The following RIBC2 variants were observed in gnomAD, a reference collection of about 807,000 sequenced individuals.
RIBC2 encodes RIB43A-like with coiled-coils protein 2.
Under a neutral mutation model 44.3 loss-of-function variants are expected in RIBC2, and 40 were observed. That is an observed-to-expected ratio of 0.90 (90% CI 0.70 to 1.18). The LOEUF (loss-of-function observed/expected upper bound fraction) is 1.18. RIBC2 is among the 50% of genes most tolerant of loss of function. The pLI is 0.00. For synonymous variants in RIBC2, 171 were observed against 175.0 expected (o/e 0.98, Z 0.18); for missense variants, 459 against 485.5 (o/e 0.95, Z 0.51).
intron 4 of RIBC2, among the ~76,000 whole-genome samples, chr22:45,424,311 C>A (rs1383342040): frequency 6.6e-6 from 1 of 152,202 alleles, no homozygotes; most frequent in Non-Finnish European, 1.5e-5. Flanking sequence ...GCCTCCAGTT[C>A]TTGGGTCGGG....
At chr22:45,414,214 C>T in intron 1 of RIBC2, 108 bp from the exon 2 acceptor site, 1 of 1,485,808 alleles carries the variant, frequency 6.7e-7, no homozygotes, top group Non-Finnish European at 8.9e-7. Context: ...AGATTTTCTA[C>T]AACTCGTTTA....
chr22:45,425,875 A>G (rs546391290), intron 4 of RIBC2, 73 bp from the exon 5 acceptor site: 2 of 1,333,256 alleles, frequency 1.5e-6, no homozygotes, highest in East Asian at 2.5e-5. Flanking sequence ...CCCCAGTGAG[A>G]TTTGCTGGCC....
intron 3 of RIBC2, among the ~76,000 whole-genome samples, chr22:45,419,546 C>A (rs545038090): frequency 6.6e-6 from 1 of 152,022 alleles, no homozygotes; most frequent in Non-Finnish European, 1.5e-5. Flanking sequence ...CCAGCCCGGG[C>A]AACAAAGTGA....
At chr22:45,419,229 C>T (rs1047256951) in intron 3 of RIBC2, among the ~76,000 whole-genome samples, 3 of 152,210 alleles carry the variant, frequency 2.0e-5, no homozygotes, top group Non-Finnish European at 2.9e-5. Flanking sequence ...ATTCATCTAA[C>T]TTCTCTTGGA....
chr22:45,415,853 C>G (rs1274699745), intron 2 of RIBC2, among the ~76,000 whole-genome samples: 1 of 152,126 alleles, frequency 6.6e-6, no homozygotes, highest in East Asian at 1.9e-4. Context: ...GTGCACACCA[C>G]CATGCTGGGC....
chr22:45,418,700 C>T (rs1002147082), intron 3 of RIBC2, among the ~76,000 whole-genome samples: 3 of 152,128 alleles, frequency 2.0e-5, no homozygotes, highest in African/African-American at 4.8e-5. Context: ...GAATGCACTC[C>T]GCCTTCTTGA....
At chr22:45,419,877 T>A (rs2087461186) in intron 3 of RIBC2, among the ~76,000 whole-genome samples, 1 of 151,762 alleles carries the variant, frequency 6.6e-6, no homozygotes, top group Admixed American at 6.6e-5. Context: ...ATACAAAAAA[T>A]TAGCCGGGAG....
Position 45,421,189 on chromosome 22 carries a change from G to A in RIBC2, c.557-1101G>A, listed in dbSNP as rs1480484802. Reference sequence around the variant, plus strand: ...GCGCGCCTGTAATCTCAGCTACCCCGGAGGCTGAGGCAGGAGAATTGCTGG... The same window carrying A: ...GCGCGCCTGTAATCTCAGCTACCCCAGAGGCTGAGGCAGGAGAATTGCTGG... On this transcript the variant is annotated intron_variant, in intron 3 of 6. Coordinates refer to ENST00000614167, the MANE Select transcript of RIBC2 (RefSeq NM_015653.5). 4.6e-5 allele frequency among the ~76,000 whole-genome samples: 7 copies of A among 151,850 alleles called. No homozygotes were observed. In the East Asian group the frequency reaches 7.7e-4, roughly 17 times the overall value.
chr22:45,418,957 G>A (rs1047373591), intron 3 of RIBC2, among the ~76,000 whole-genome samples: 6 of 152,058 alleles, frequency 3.9e-5, no homozygotes, highest in African/African-American at 1.4e-4. Context: ...CCTAACAGTC[G>A]ATCACCTCCT....
chr22:45,426,695 T>C (rs2087537725), intron 5 of RIBC2, among the ~76,000 whole-genome samples: 1 of 152,172 alleles, frequency 6.6e-6, no homozygotes, highest in Non-Finnish European at 1.5e-5. Flanking sequence ...TGACAGGATC[T>C]GACTTAGGTT....
intron 2 of RIBC2, among the ~76,000 whole-genome samples, chr22:45,415,811 T>A (rs1251165022): frequency 6.6e-6 from 1 of 152,218 alleles, no homozygotes; most frequent in Admixed American, 6.5e-5. Flanking sequence ...GCAATTCTCC[T>A]GTCTCAGCTT....
chr22:45,432,452 G>T lies in RIBC2; in HGVS notation c.*90G>T. 1.3e-6 allele frequency: 1 copy of T among 799,344 alleles called. No homozygotes were observed. The highest frequency in any genetic ancestry group is 2.1e-6 in the Non-Finnish European group (1 of 472,688). The allele number at this position is 799,344 out of a possible 1,614,324, so 49.5% of individuals were successfully genotyped here. Reference sequence around the variant, plus strand: ...TCTTTTTTAAAGATACACTCCTTGGGCCACAAGTACCCTTCAGCTGTAATC... The same window carrying T: ...TCTTTTTTAAAGATACACTCCTTGGTCCACAAGTACCCTTCAGCTGTAATC... On this transcript the variant is annotated 3_prime_UTR_variant, in exon 7 of 7. Coordinates refer to ENST00000614167, the MANE Select transcript of RIBC2 (RefSeq NM_015653.5).
chr22:45,429,057 G>A (rs1355290837), intron 5 of RIBC2, among the ~76,000 whole-genome samples: 3 of 152,196 alleles, frequency 2.0e-5, no homozygotes, highest in Non-Finnish European at 4.4e-5. Flanking sequence ...TTTGCGGGGG[G>A]CATAATCATT....
chr22:45,432,131 C>T (rs986854391), intron 6 of RIBC2, among the ~76,000 whole-genome samples, 153 bp from the exon 7 acceptor site: 2 of 150,990 alleles, frequency 1.3e-5, no homozygotes, highest in African/African-American at 4.9e-5. Flanking sequence ...TGAGATGGAT[C>T]ATTTTGGGGG....
At chr22:45,431,262 G>A (rs752871515) in intron 6 of RIBC2, among the ~76,000 whole-genome samples, 196 bp downstream of exon 6, 10 of 152,200 alleles carry the variant, frequency 6.6e-5, no homozygotes, top group African/African-American at 2.4e-4. Flanking sequence ...TCCACACGGG[G>A]TGCATGGGTG....
At chr22:45,419,287 T>C (rs1462781614) in intron 3 of RIBC2, among the ~76,000 whole-genome samples, 1 of 152,214 alleles carries the variant, frequency 6.6e-6, no homozygotes, top group Non-Finnish European at 1.5e-5. Flanking sequence ...AACTCTGTTC[T>C]TCCCTGCAGA....
intron 5 of RIBC2, 75 bp downstream of exon 5, chr22:45,426,250 T>C: frequency 7.5e-7 from 1 of 1,327,090 alleles, no homozygotes; most frequent in Non-Finnish European, 1.1e-6. Flanking sequence ...GGCACAAATG[T>C]AGTTGTAGCA....
chr22:45,414,873 T>C (rs1290820016), intron 2 of RIBC2, among the ~76,000 whole-genome samples: 1 of 151,988 alleles, frequency 6.6e-6, no homozygotes, highest in Non-Finnish European at 1.5e-5. Flanking sequence ...ACACACACAC[T>C]CACTTGCTCT....
intron 6 of RIBC2, among the ~76,000 whole-genome samples, chr22:45,431,667 G>A (rs2087581848): frequency 6.6e-6 from 1 of 151,578 alleles, no homozygotes; most frequent in South Asian, 2.1e-4. Flanking sequence ...GGCCTAAAAG[G>A]AGCATTAAGA....
Sources: gnomAD v4.1 joint callset for allele counts (sites outside exome capture counted in the v4.1 genomes callset) on GRCh38, gnomAD v4.1.1 for gene constraint, MANE v1.5 for transcripts, NCBI Gene and HGNC (gene_info 2026-07-23, HGNC 2026-07-21) for gene names.